LY75: variants seen among roughly 807,000 people sequenced by gnomAD.
The protein encoded by LY75 is C-type lectin domain family 13 member B.
In LY75, 185 loss-of-function variants were observed where a neutral mutation model predicts 231.7. The ratio of observed to expected loss-of-function variants is 0.80; its 90% CI spans 0.71 to 0.90. LY75 has a LOEUF of 0.90. Among genes scored for constraint, LY75 ranks in the 40% least tolerant of loss-of-function variants. LY75 has a pLI of 0.00. For missense variants in LY75, 1,947 were observed against 2,050.2 expected (o/e 0.95, Z 0.97); for synonymous variants, 668 against 689.0 (o/e 0.97, Z 0.48).
intron 21 of LY75, among the ~76,000 whole-genome samples, chr2:159,850,791 T>TATATATATATATATATAAAAAA (rs1341394980): frequency 2.1e-5 from 2 of 94,508 alleles, no homozygotes; most frequent in Admixed American, 1.1e-4. Flanking sequence ...TATATATATA[T>TATATATATATATATATAAAAAA]ATATATATTA....
intron 14 of LY75, among the ~76,000 whole-genome samples, chr2:159,863,103 C>T (rs1369858217): frequency 6.6e-6 from 1 of 150,860 alleles, no homozygotes; most frequent in East Asian, 1.9e-4. Flanking sequence ...ACATAATGTC[C>T]TCCAGGGTCA....
At chr2:159,901,306 C>T (rs1014749134) in intron 1 of LY75, among the ~76,000 whole-genome samples, 1 of 152,222 alleles carries the variant, frequency 6.6e-6, no homozygotes, top group African/African-American at 2.4e-5. Context: ...CTCTGATCTA[C>T]ATCTTTTCCA....
intron 25 of LY75, among the ~76,000 whole-genome samples, chr2:159,840,322 G>A (rs914059309): frequency 1.3e-5 from 2 of 152,104 alleles, no homozygotes; most frequent in African/African-American, 4.8e-5. Flanking sequence ...GGTAATCCCA[G>A]CACCTTTGGG....
At chr2:159,850,791 T>TATATAA (rs1553805729) in intron 21 of LY75, among the ~76,000 whole-genome samples, 1,356 of 94,444 alleles carry the variant, frequency 0.014, 162 homozygotes, top group African/African-American at 0.05. Context: ...TATATATATA[T>TATATAA]ATATATATTA....
chr2:159,899,301 G>A (rs1686002462), intron 1 of LY75, among the ~76,000 whole-genome samples: 1 of 152,172 alleles, frequency 6.6e-6, no homozygotes, highest in Admixed American at 6.5e-5. Context: ...CCTGCTACTT[G>A]TTAGCCATAG....
rs577765445 is a variant in LY75 at position 159,825,339 on chromosome 2, G to A, written c.3959-5419C>T. 7.8e-3 allele frequency among the ~76,000 whole-genome samples: 1,182 copies of A among 152,062 alleles called. 18 individuals are homozygous for A. Among genetic ancestry groups the A allele is most frequent in the African/African-American group, 0.027 (1,120 of 41,510 alleles). On this transcript the variant is annotated intron_variant, in intron 28 of 34. Transcript: ENST00000263636. Reference sequence around the variant, plus strand: ...AGAATACTATAAACACCTCTATGCAGATAAACTAGAAAATCTAGAAGAAAT... The same window carrying A: ...AGAATACTATAAACACCTCTATGCAAATAAACTAGAAAATCTAGAAGAAAT...
At chr2:159,854,878 G>A (rs757078998) in intron 17 of LY75, 26 bp downstream of exon 17, 1 of 1,613,046 alleles carries the variant, frequency 6.2e-7, no homozygotes, top group East Asian at 2.2e-5. Context: ...AGCAGCTTTG[G>A]TTAAATTTCA....
intron 23 of LY75, among the ~76,000 whole-genome samples, chr2:159,844,369 G>C (rs963163519): frequency 6.6e-6 from 1 of 150,768 alleles, no homozygotes; most frequent in Non-Finnish European, 1.5e-5. Flanking sequence ...AACAGATGCT[G>C]GGAACAAGTT....
chr2:159,870,561 G>A (rs1303636711), intron 13 of LY75, among the ~76,000 whole-genome samples: 1 of 152,102 alleles, frequency 6.6e-6, no homozygotes, highest in Non-Finnish European at 1.5e-5. Flanking sequence ...CTGGAGTGCA[G>A]TGGCACTATC....
At chr2:159,835,801 T>G (rs926563551) in intron 25 of LY75, 156 bp from the exon 26 acceptor site, 1 of 560,254 alleles carries the variant, frequency 1.8e-6, no homozygotes, top group Admixed American at 6.4e-5. Context: ...TTCTAAATGC[T>G]TTACAAATAT....
chr2:159,842,147 T>G, intron 24 of LY75, 98 bp downstream of exon 24: 1 of 1,423,884 alleles, frequency 7.0e-7, no homozygotes, highest in Non-Finnish European at 9.3e-7. Context: ...TTTCAACCTA[T>G]GTTCCCCTCC....
intron 20 of LY75, 48 bp from the exon 21 acceptor site, chr2:159,852,388 G>T: frequency 6.4e-7 from 1 of 1,557,620 alleles, no homozygotes; most frequent in Non-Finnish European, 8.7e-7. Flanking sequence ...TTTTCAGTCA[G>T]TACATTTTTA....
intron 28 of LY75, 97 bp from the exon 29 acceptor site, chr2:159,820,017 T>C: frequency 8.2e-7 from 1 of 1,226,398 alleles, no homozygotes; most frequent in South Asian, 1.9e-5. Flanking sequence ...ATTTTCTCTT[T>C]TCCCAACCTT....
At chr2:159,830,428 T>C (rs1355586078) in intron 28 of LY75, among the ~76,000 whole-genome samples, 1 of 152,176 alleles carries the variant, frequency 6.6e-6, no homozygotes, top group African/African-American at 2.4e-5. Flanking sequence ...TCTGAGCATC[T>C]TTCTAAATGC....
At position 159,859,621 on chromosome 2, in the gene LY75, T is replaced by C. The variant is rs577357679; in HGVS notation, c.2269-1145A>G. On this transcript the variant is annotated intron_variant, in intron 15 of 34. Transcript: ENST00000263636. Reference sequence around the variant, plus strand: ...TCTCATAAATCAATACCCTTTCTATTTCTATAAATGCCTAGTCATATAGCA... The same window carrying C: ...TCTCATAAATCAATACCCTTTCTATCTCTATAAATGCCTAGTCATATAGCA... 3.2e-4 allele frequency among the ~76,000 whole-genome samples: 48 copies of C among 152,228 alleles called. 1 individual carries two copies. The highest frequency in any genetic ancestry group is 3.8e-4 in the Non-Finnish European group (26 of 68,044).
At chr2:159,868,032 G>A (rs1485411033) in intron 13 of LY75, among the ~76,000 whole-genome samples, 2 of 152,172 alleles carry the variant, frequency 1.3e-5, no homozygotes, top group African/African-American at 4.8e-5. Context: ...AAAAAGCCAA[G>A]GCATTCAAGG....
intron 27 of LY75, among the ~76,000 whole-genome samples, chr2:159,832,595 A>G (rs1683697038): frequency 6.6e-6 from 1 of 152,124 alleles, no homozygotes; most frequent in South Asian, 2.1e-4. Flanking sequence ...AGGAAGTTTC[A>G]GAAAAGATCT....
intron 20 of LY75, 80 bp from the exon 21 acceptor site, chr2:159,852,420 TTG>T (rs202164612): frequency 2.3e-5 from 32 of 1,398,132 alleles, no homozygotes; most frequent in African/African-American, 3.1e-5. Flanking sequence ...GTGTTTTTTT[TTG>T]TTTTTTTTTT....
At chr2:159,822,539 G>T (rs1441231090) in intron 28 of LY75, among the ~76,000 whole-genome samples, 1 of 152,166 alleles carries the variant, frequency 6.6e-6, no homozygotes, top group Non-Finnish European at 1.5e-5. Context: ...CACAGTCAGG[G>T]ACTTATAGCA....
Sources: allele counts gnomAD v4.1 joint callset (sites outside exome capture counted in the v4.1 genomes callset), GRCh38; gene constraint gnomAD v4.1.1; transcripts MANE v1.5; gene names NCBI Gene and HGNC (gene_info 2026-07-23, HGNC 2026-07-21).